Variants in RAB3GAP1 observed in about 807,000 individuals in gnomAD.
RAB3GAP1 encodes the protein RAB3 GTPase activating protein catalytic subunit 1.
In RAB3GAP1, 86 loss-of-function variants were observed where a neutral mutation model predicts 130.7. The observed-to-expected ratio is 0.66, with a 90% confidence interval of 0.55 to 0.79. The LOEUF (loss-of-function observed/expected upper bound fraction) is 0.79, where lower values mean the gene tolerates loss of function less well. Ranked by LOEUF, RAB3GAP1 falls within the 30% of genes least tolerant of loss-of-function variation. The probability of loss-of-function intolerance (pLI) is 0.00; values close to 1 mark genes in which losing one functional copy is unlikely to be tolerated. For missense variants in RAB3GAP1, 1,029 were observed against 1,169.4 expected, an observed-to-expected ratio of 0.88 and a Z score of 1.75; for synonymous variants, 367 against 401.7, an observed-to-expected ratio of 0.91 and a Z score of 1.03.
chr2:135,070,694 A>G (rs1441535196), intron 3 of RAB3GAP1, among the ~76,000 whole-genome samples: 1 of 151,820 alleles, frequency 6.6e-6, no homozygotes, highest in Non-Finnish European at 1.5e-5. Context: ...TTTAGTAGAG[A>G]TGGGGTTTCT....
chr2:135,159,477 A>G (rs1692408181), intron 19 of RAB3GAP1, among the ~76,000 whole-genome samples: 1 of 152,244 alleles, frequency 6.6e-6, no homozygotes, highest in Admixed American at 6.5e-5. Flanking sequence ...TGAGGAAAAC[A>G]TCAGATAAAC....
At chr2:135,132,821 CTA>C in intron 13 of RAB3GAP1, 72 bp from the exon 14 acceptor site, 1 of 868,268 alleles carries the variant, frequency 1.2e-6, no homozygotes, top group Non-Finnish European at 2.0e-6. Context: ...TAAATAATGT[CTA>C]TATGAGTTAT....
Position 135,148,668 on chromosome 2 carries a change from C to CAT in RAB3GAP1, c.1924-1701_1924-1700insAT, listed in dbSNP as rs886683182. On this transcript the variant is annotated intron_variant, in intron 17 of 23. Transcript: ENST00000264158. ...CACCATGCTTGGCTAATTTTTGTAT[C>CAT]TTTTTTTTTTTTTTTTTTTTTTAAG... is the stretch of plus-strand genomic sequence containing the variant. 5.1e-3 allele frequency among the ~76,000 whole-genome samples: 578 copies of CAT among 113,114 alleles called. 8 individuals are homozygous for CAT. The highest frequency in any genetic ancestry group is 0.018 in the African/African-American group (539 of 29,668). The allele number at this position is 113,114 out of a possible 152,430, so 74.2% of individuals were successfully genotyped here. A position where few individuals can be genotyped will look rare whatever the true frequency, so the allele number is the denominator to read the frequency against.
chr2:135,113,015 G>T, intron 5 of RAB3GAP1, 136 bp from the exon 6 acceptor site: 1 of 1,165,666 alleles, frequency 8.6e-7, no homozygotes, highest in Non-Finnish European at 1.3e-6. Context: ...AGGTTCTGTT[G>T]CCATTAAAAG....
chr2:135,129,684 A>G (rs1477809098), intron 11 of RAB3GAP1, among the ~76,000 whole-genome samples: 1 of 152,134 alleles, frequency 6.6e-6, no homozygotes, highest in African/African-American at 2.4e-5. Flanking sequence ...ACATAACTTA[A>G]TGACAAATGG....
intron 3 of RAB3GAP1, among the ~76,000 whole-genome samples, chr2:135,071,467 G>GGGGC (rs1689469770): frequency 6.6e-6 from 1 of 151,856 alleles, no homozygotes; most frequent in Non-Finnish European, 1.5e-5. Flanking sequence ...CCTTTCTGTT[G>GGGGC]TGGGTACGAC....
intron 3 of RAB3GAP1, among the ~76,000 whole-genome samples, chr2:135,078,681 TCCCCTCCCCTGCCCTCCCCTCC>T (rs1689699358): frequency 1.5e-4 from 2 of 12,946 alleles, no homozygotes; most frequent in African/African-American, 8.3e-4. Flanking sequence ...TCCCCTCCCC[TCCCCTCCCCTGCCCTCCCCTCC>T]CCTCTCCTTT....
In RAB3GAP1 at chr2:135,169,972, TG is replaced by T; in HGVS notation, c.*1192del. 2 of 243,648 alleles carry T rather than the reference TG, an allele frequency of 8.2e-6. No individual in the cohort carries two copies. Among genetic ancestry groups the T allele is most frequent in the Admixed American group, 5.4e-5 (1 of 18,594 alleles). 15.1% of individuals were successfully genotyped at this position (243,648 alleles called of 1,614,324 possible). A position where few individuals can be genotyped will look rare whatever the true frequency, so the allele number is the denominator to read the frequency against. ...AGAGCTGTGCAAACCCTGTTATTTT[TG>T]TAAAAAAAAAAAAAAATACATATCT... On this transcript the variant is annotated 3_prime_UTR_variant, in exon 24 of 24. Transcript: ENST00000264158.
Position 135,168,674 on chromosome 2 carries a change from C to T in RAB3GAP1, c.2839C>T (p.Arg947Cys), listed in dbSNP as rs751620093. 3.5e-5 allele frequency: 57 copies of T among 1,614,072 alleles called. No individual in the cohort carries two copies. Among genetic ancestry groups the T allele is most frequent in the Admixed American group, 5.0e-5 (3 of 60,008 alleles). The change falls in exon 24 of 24, where the codon CGC (arginine) becomes TGC (cysteine). Residue 947 changes from arginine to cysteine, a missense_variant. By Grantham distance (180) the Arg-to-Cys change is radical. Transcript: ENST00000264158. The part of the protein sequence containing the change: ...REFILRTTVP[R>C]PAPYSKALPQ... ...ATTCATTTTGCGCACCACTGTGCCG[C>T]GCCCTGCTCCCTACTCCAAAGCTCT... is the stretch of plus-strand genomic sequence containing the variant.
chr2:135,073,000 G>A (rs1170366802), intron 3 of RAB3GAP1, among the ~76,000 whole-genome samples: 1 of 152,198 alleles, frequency 6.6e-6, no homozygotes, highest in Non-Finnish European at 1.5e-5. Flanking sequence ...GACTATGTAG[G>A]TTGAAGTTAC....
At chr2:135,141,913 C>T (rs572556726) in intron 17 of RAB3GAP1, among the ~76,000 whole-genome samples, 10 of 152,016 alleles carry the variant, frequency 6.6e-5, no homozygotes, top group South Asian at 4.2e-4. Context: ...TGGTCTCTGT[C>T]GTGTGCCAGT....
At position 135,052,464 on chromosome 2, in the gene RAB3GAP1, C is replaced by T; in HGVS notation, c.53C>T (p.Thr18Ile). 1 of 1,613,990 alleles carries T rather than the reference C, an allele frequency of 6.2e-7. No individual in the cohort carries two copies. The highest frequency in any genetic ancestry group is 1.1e-5 in the South Asian group (1 of 91,068). ...ESEVFEITDF[T>I]TASEWERFIS... is the part of the protein sequence containing the mutation. ...GAGGTATTTGAGATCACGGACTTCA[C>T]CACTGCCTCGGAATGGGAAAGGTGA... The change falls in exon 2 of 24, where the codon ACC (threonine) becomes ATC (isoleucine). Residue 18 changes from threonine (T) to isoleucine (I), a missense_variant. Physicochemically the swap from Thr to Ile is moderately conservative, Grantham distance 89. Coordinates refer to ENST00000264158, the MANE Select transcript of RAB3GAP1 (RefSeq NM_012233.3).
chr2:135,095,616 T>C (rs538006788), intron 5 of RAB3GAP1, among the ~76,000 whole-genome samples: 5 of 152,352 alleles, frequency 3.3e-5, no homozygotes, highest in African/African-American at 1.2e-4. Context: ...CTTACCCCTC[T>C]TATCTGTGGT....
intron 3 of RAB3GAP1, among the ~76,000 whole-genome samples, chr2:135,073,838 G>A (rs986383949): frequency 2.0e-5 from 3 of 152,154 alleles, no homozygotes; most frequent in African/African-American, 7.2e-5. Flanking sequence ...CAACCCAGGG[G>A]TGAGTCTGAG....
intron 5 of RAB3GAP1, among the ~76,000 whole-genome samples, chr2:135,110,936 A>G (rs1294547975): frequency 1.3e-5 from 2 of 152,110 alleles, no homozygotes; most frequent in Non-Finnish European, 2.9e-5. Flanking sequence ...TGGAACGGGG[A>G]TGTTCACTTG....
At chr2:135,062,053 G>A (rs1689187363) in intron 3 of RAB3GAP1, among the ~76,000 whole-genome samples, 1 of 151,444 alleles carries the variant, frequency 6.6e-6, no homozygotes, top group African/African-American at 2.4e-5. Flanking sequence ...TTGAGACAGA[G>A]TCTCACTCTG....
intron 17 of RAB3GAP1, among the ~76,000 whole-genome samples, chr2:135,146,971 AAC>A (rs34094441): frequency 0.097 from 14,332 of 147,084 alleles, 881 homozygotes; most frequent in African/African-American, 0.19. Context: ...AGGGGGTATA[AAC>A]ACACACACAC....
intron 3 of RAB3GAP1, among the ~76,000 whole-genome samples, chr2:135,068,430 G>A (rs1349839935): frequency 4.0e-5 from 6 of 151,610 alleles, no homozygotes; most frequent in African/African-American, 7.3e-5. Flanking sequence ...TGCCACTAAA[G>A]GAAGTAGACT....
intron 9 of RAB3GAP1, 109 bp downstream of exon 9, chr2:135,124,355 A>G: frequency 8.8e-7 from 1 of 1,131,588 alleles, no homozygotes; most frequent in Non-Finnish European, 1.3e-6. Flanking sequence ...GGATGAATGT[A>G]GTACTGGAAA....
Sources: gnomAD v4.1 joint callset for allele counts (sites outside exome capture counted in the v4.1 genomes callset) on GRCh38, gnomAD v4.1.1 for gene constraint, MANE v1.5 for transcripts, NCBI Gene and HGNC (gene_info 2026-07-23, HGNC 2026-07-21) for gene names.